Variants in PTK2 observed in about 807,000 individuals in gnomAD.
PTK2 encodes protein tyrosine kinase 2, also known as focal adhesion kinase 1.
A neutral mutation model predicts 150.1 loss-of-function variants in PTK2; 45 were observed. The observed-to-expected ratio is 0.30, with a 90% CI of 0.24 to 0.38. PTK2 has a LOEUF of 0.38. Ranked by LOEUF, PTK2 falls within the 10% of genes least tolerant of loss-of-function variation. PTK2 has a pLI of 1.00. For missense variants in PTK2, 919 were observed against 1,307.3 expected (o/e 0.70, Z 4.58); for synonymous variants, 432 against 449.2 (o/e 0.96, Z 0.48).
intron 2 of PTK2, among the ~76,000 whole-genome samples, chr8:140,920,351 T>C (rs1603058580): frequency 6.6e-6 from 1 of 152,190 alleles, no homozygotes; most frequent in African/African-American, 2.4e-5. Context: ...ATGTATGGTA[T>C]TCCTAAGCCC....
At chr8:140,668,798 TA>T (rs2093914056) in intron 29 of PTK2, 1 of 176,266 alleles carries the variant, frequency 5.7e-6, no homozygotes, top group Admixed American at 5.4e-5. Flanking sequence ...CCTATTTGGC[TA>T]AAGAGTCAAA....
intron 5 of PTK2, among the ~76,000 whole-genome samples, chr8:140,849,498 G>C (rs1413582929): frequency 6.6e-6 from 1 of 152,182 alleles, no homozygotes; most frequent in East Asian, 1.9e-4. Flanking sequence ...AAACCAAACT[G>C]ATCAAGCATT....
At chr8:140,803,763 G>A (rs2100096681) in intron 10 of PTK2, 113 bp from the exon 11 acceptor site, 1 of 941,466 alleles carries the variant, frequency 1.1e-6, no homozygotes, top group Non-Finnish European at 1.6e-6. Context: ...CCTAAGACTG[G>A]AGGTCTGGGG....
At chr8:140,840,411 AAATAAT>A (rs1211852343) in intron 7 of PTK2, among the ~76,000 whole-genome samples, 2 of 151,710 alleles carry the variant, frequency 1.3e-5, no homozygotes, top group African/African-American at 4.8e-5. Context: ...TAACTGTATA[AAATAAT>A]AATAATGTCT....
intron 8 of PTK2, among the ~76,000 whole-genome samples, chr8:140,823,748 C>T (rs1446174204): frequency 6.6e-6 from 1 of 152,184 alleles, no homozygotes; most frequent in Non-Finnish European, 1.5e-5. Context: ...GGCAGTCCCA[C>T]CCAGTTCAGA....
In PTK2 at chr8:140,920,650, T is replaced by C. The variant is rs190350544; in HGVS notation, c.-33+5011A>G. On this transcript the variant is annotated intron_variant, in intron 2 of 31. Coordinates refer to ENST00000522684, the Ensembl canonical transcript of PTK2. ...ATTTGCTATTTGAAAAGCTATCTAA[T>C]TGGTTTTATGTAATAGCTGTAAACC... Among the ~76,000 whole-genome samples, 4 of 152,376 alleles carry C rather than the reference T, an allele frequency of 2.6e-5. No individual in the cohort carries two copies. The East Asian group carries it at 7.7e-4, about 29-fold the overall frequency.
rs57247522 is a variant in PTK2 at position 140,670,488 on chromosome 8, AACACACACACACACACACACACACAC to A, written c.2710-2090_2710-2065del. On this transcript the variant is annotated intron_variant, in intron 29 of 31. Coordinates refer to ENST00000522684, the Ensembl canonical transcript of PTK2. The stretch of plus-strand genomic sequence containing the variant: ...AAAAAAAAAAAAAAAAAAAAACAAC[AACACACACACACACACACACACACAC>A]ACACACACACACACACACACACACA... Among the ~76,000 whole-genome samples the A allele has an allele frequency of 1.0e-3, 40 of 38,980 alleles. 5 individuals are homozygous for A. Among genetic ancestry groups the A allele is most frequent in the South Asian group, 3.4e-3 (3 of 894 alleles). The allele number at this position is 38,980 out of a possible 152,430, so 25.6% of individuals were successfully genotyped here.
intron 4 of PTK2, among the ~76,000 whole-genome samples, chr8:140,866,202 G>A (rs916151259): frequency 2.0e-5 from 3 of 152,152 alleles, no homozygotes; most frequent in Non-Finnish European, 2.9e-5. Context: ...TCCAGTCAAC[G>A]ATTCAAACAG....
rs2100068200 is a variant in PTK2 at position 140,759,701 on chromosome 8, A to T, written c.1332+1464T>A. 2.6e-5 allele frequency among the ~76,000 whole-genome samples: 4 copies of T among 151,934 alleles called. No individual in the cohort carries two copies. In the South Asian group the frequency reaches 8.3e-4, roughly 32 times the overall value. On this transcript the variant is annotated intron_variant, in intron 16 of 31. Transcript: ENST00000522684. ...GAGAGACGCTGTCTCTACAAAAAAA[A>T]TTAAATTAGCTATGTGTGGTGGCAC...
At chr8:140,911,274 A>T (rs993648637) in intron 2 of PTK2, among the ~76,000 whole-genome samples, 3 of 152,108 alleles carry the variant, frequency 2.0e-5, no homozygotes, top group African/African-American at 7.2e-5. Flanking sequence ...ATACATTGTA[A>T]TATTTAGTGA....
chr8:140,953,698 G>A (rs1290257497), intron 1 of PTK2, among the ~76,000 whole-genome samples: 1 of 152,146 alleles, frequency 6.6e-6, no homozygotes, highest in Middle Eastern at 3.2e-3. Context: ...CAAAACCACA[G>A]ACTGGGGGGA....
intron 8 of PTK2, among the ~76,000 whole-genome samples, chr8:140,826,793 C>G (rs554221519): frequency 6.6e-6 from 1 of 152,068 alleles, no homozygotes; most frequent in Non-Finnish European, 1.5e-5. Context: ...TGGTCCATGC[C>G]TGTAATCCCA....
intron 8 of PTK2, among the ~76,000 whole-genome samples, chr8:140,824,275 T>A (rs932153179): frequency 1.3e-5 from 2 of 152,220 alleles, no homozygotes; most frequent in African/African-American, 4.8e-5. Flanking sequence ...TTTACTGTAT[T>A]TGTCTCATTC....
At chr8:140,702,841 T>C (rs1430898499) in intron 24 of PTK2, 134 bp from the exon 28 acceptor site, 27 of 1,003,176 alleles carry the variant, frequency 2.7e-5, no homozygotes, top group Non-Finnish European at 3.9e-5. Flanking sequence ...ATACCCATGT[T>C]CTAATCCCTT....
intron 22 of PTK2, among the ~76,000 whole-genome samples, chr8:140,725,145 A>G (rs2100045002): frequency 2.1e-5 from 3 of 145,014 alleles, no homozygotes; most frequent in Admixed American, 1.4e-4. Context: ...ATTTTTTTCT[A>G]TTTTTTGAAT....
chr8:140,800,474 T>C (rs1475725139), exon 12 of PTK2: 2 of 1,612,932 alleles, frequency 1.2e-6, no homozygotes, highest in Non-Finnish European at 8.5e-7. Context: ...TGAGGTCTGA[T>C]GATAAATGAC....
chr8:140,704,592 C>G (rs1385911045), intron 24 of PTK2, among the ~76,000 whole-genome samples: 1 of 152,188 alleles, frequency 6.6e-6, no homozygotes, highest in African/African-American at 2.4e-5. Flanking sequence ...TGCTGGTATT[C>G]AATTCCCACT....
At chr8:140,890,108 G>C (rs895329174) in intron 3 of PTK2, among the ~76,000 whole-genome samples, 4 of 152,154 alleles carry the variant, frequency 2.6e-5, no homozygotes, top group Non-Finnish European at 4.4e-5. Flanking sequence ...ACCTAGCACA[G>C]TGCCTGACAC....
chr8:140,684,402 C>T (rs1589983617), intron 27 of PTK2, among the ~76,000 whole-genome samples: 1 of 152,246 alleles, frequency 6.6e-6, no homozygotes, highest in East Asian at 1.9e-4. Flanking sequence ...TTAATGCGGG[C>T]TAGCCCGCCA....
Sources: allele counts gnomAD v4.1 joint callset (sites outside exome capture counted in the v4.1 genomes callset), GRCh38; gene constraint gnomAD v4.1.1; transcripts MANE v1.5; gene names NCBI Gene and HGNC (gene_info 2026-07-23, HGNC 2026-07-21).